ZC3H18: variants seen among roughly 807,000 people sequenced by gnomAD.
ZC3H18 encodes zinc finger CCCH domain-containing protein 18.
In ZC3H18, 8 loss-of-function variants were observed where a neutral mutation model predicts 106.1. That is an observed-to-expected ratio of 0.08 (90% confidence interval 0.04 to 0.14). The LOEUF (loss-of-function observed/expected upper bound fraction) is 0.14, where lower values mean the gene tolerates loss of function less well. ZC3H18 is among the 10% of genes least tolerant of loss of function. The probability of loss-of-function intolerance (pLI) is 1.00; values close to 1 mark genes in which losing one functional copy is unlikely to be tolerated. For synonymous variants in ZC3H18, 635 were observed against 522.1 expected, an observed-to-expected ratio of 1.22 and a Z score of -2.95; for missense variants, 1,318 against 1,278.4, an observed-to-expected ratio of 1.03 and a Z score of -0.47.
intron 7 of ZC3H18, chr16:88,609,299 T>G (rs552456330): frequency 6.5e-4 from 178 of 273,446 alleles, no homozygotes; most frequent in African/African-American, 2.9e-3. Flanking sequence ...TGTGTGGTGT[T>G]TGTTTGTTTG....
rs751599786 is a variant in ZC3H18, at chr16:88,627,997, A to G, written c.2347A>G (p.Lys783Glu). 6.2e-7 allele frequency: 1 copy of G among 1,614,156 alleles called. No individual in the cohort carries two copies. The highest frequency in any genetic ancestry group is 8.5e-7 in the Non-Finnish European group (1 of 1,180,036). Residue 783 changes from lysine to glutamate, a missense_variant, in exon 15 of 18, where the codon AAA (lysine) becomes GAA (glutamate). Transcript: ENST00000301011. This position sits in a 1 kb window ranked among gnomAD's most constrained non-coding sequence, Gnocchi z 4.5. ...GTCCACACAACCACCCAAATCTGCA[A>G]AACCTCCAGCAGGGGGGAAGTCCTC... ...DSSTQPPKSA[K>E]PPAGGKSSQQ... is the part of the protein sequence containing the mutation.
chr16:88,603,855 G>A (rs542970095), intron 6 of ZC3H18, among the ~76,000 whole-genome samples: 16 of 148,516 alleles, frequency 1.1e-4, no homozygotes, highest in African/African-American at 1.7e-4. Flanking sequence ...GGTTGGTCTC[G>A]ATCTCCTGAC....
At chr16:88,622,064 G>C in intron 8 of ZC3H18, 133 bp from the exon 9 acceptor site, 1 of 1,113,198 alleles carries the variant, frequency 9.0e-7, no homozygotes, top group Non-Finnish European at 1.3e-6. Context: ...TTTCCCCTTA[G>C]GACCCTTTGT....
At chr16:88,587,976 A>G (rs969978752) in intron 3 of ZC3H18, among the ~76,000 whole-genome samples, 4 of 152,206 alleles carry the variant, frequency 2.6e-5, no homozygotes, top group African/African-American at 9.7e-5. Context: ...AAGCAAAAAC[A>G]GTTGACGTGC....
chr16:88,593,349 G>A (rs927154204), intron 3 of ZC3H18, among the ~76,000 whole-genome samples: 23 of 152,236 alleles, frequency 1.5e-4, no homozygotes, highest in African/African-American at 4.6e-4. Context: ...GGCAGTTAGC[G>A]TCGTGGACAG....
At chr16:88,578,559 G>A (rs1346161897) in intron 2 of ZC3H18, among the ~76,000 whole-genome samples, 1 of 152,082 alleles carries the variant, frequency 6.6e-6, no homozygotes, top group East Asian at 1.9e-4. Flanking sequence ...AGATCCTGGG[G>A]AAGGGGATTG....
Position 88,623,287 on chromosome 16 carries a change from A to G in ZC3H18, c.1736A>G (p.Tyr579Cys). ...CGGTCGCGATCCCGGTCTTCATCCT[A>G]CAGCTCCTACTCCAGCCGCTCTTCC... ...SSRSRSRSSS[Y>C]SSYSSRSSRH... Residue 579 changes from tyrosine (Y) to cysteine (C), a missense_variant, in exon 10 of 18, where the codon TAC (tyrosine) becomes TGC (cysteine). Coordinates refer to ENST00000301011, the MANE Select transcript of ZC3H18 (RefSeq NM_144604.4). 2.5e-6 allele frequency: 4 copies of G among 1,613,710 alleles called. No homozygotes were observed. Among genetic ancestry groups the G allele is most frequent in the African/African-American group, 1.3e-5 (1 of 74,984 alleles).
intron 16 of ZC3H18, 30 bp from the exon 17 acceptor site, chr16:88,630,455 G>C (rs779469888): frequency 1.3e-6 from 2 of 1,590,402 alleles, no homozygotes; most frequent in Non-Finnish European, 1.7e-6. Flanking sequence ...TACATCAGGA[G>C]GGTGGTCTCA....
chr16:88,606,486 C>A (rs1028337938), intron 6 of ZC3H18, among the ~76,000 whole-genome samples: 1 of 152,230 alleles, frequency 6.6e-6, no homozygotes, highest in Non-Finnish European at 1.5e-5. Context: ...AACAAATTTG[C>A]CGGCACAGTC....
intron 3 of ZC3H18, among the ~76,000 whole-genome samples, chr16:88,588,219 A>G (rs188092661): frequency 8.5e-4 from 129 of 152,376 alleles, no homozygotes; most frequent in Admixed American, 4.8e-3. Context: ...AAATTTCTGT[A>G]TGAAAGTGAT....
intron 4 of ZC3H18, 45 bp downstream of exon 4, chr16:88,598,371 A>G: frequency 6.4e-7 from 1 of 1,565,082 alleles, no homozygotes; most frequent in East Asian, 2.2e-5. Context: ...CAGCCAACTG[A>G]GCTGTGTCTG....
intron 6 of ZC3H18, among the ~76,000 whole-genome samples, chr16:88,607,038 T>G (rs1876939361): frequency 6.6e-6 from 1 of 152,154 alleles, no homozygotes; most frequent in Admixed American, 6.5e-5. Context: ...GGAAAGGAGA[T>G]GCAGAGTTGT....
chr16:88,617,166 C>T (rs1340837671), intron 8 of ZC3H18, among the ~76,000 whole-genome samples: 1 of 152,168 alleles, frequency 6.6e-6, no homozygotes, highest in African/African-American at 2.4e-5. Flanking sequence ...GCTAATACCC[C>T]TCTTTCCTGA....
intron 2 of ZC3H18, among the ~76,000 whole-genome samples, chr16:88,585,889 A>G (rs1428949278): frequency 6.6e-6 from 1 of 151,940 alleles, no homozygotes; most frequent in East Asian, 1.9e-4. Flanking sequence ...TCCATCTTGG[A>G]TGGTCCTGTG....
chr16:88,608,954 C>T lies in ZC3H18; in HGVS notation c.1109C>T (p.Pro370Leu). 1 of 1,613,714 alleles carries T rather than the reference C, an allele frequency of 6.2e-7. No individual in the cohort carries two copies. The highest frequency in any genetic ancestry group is 8.5e-7 in the Non-Finnish European group (1 of 1,179,756). The change falls in exon 7 of 18, where the codon CCT (proline) becomes CTT (leucine). Residue 370 changes from proline (P) to leucine (L), a missense_variant. Around this residue, in one of 6 missense-constraint regions of ZC3H18, gnomAD observed 848 missense variants for 821.7 expected, o/e 1.03. Coordinates refer to ENST00000301011, the MANE Select transcript of ZC3H18 (RefSeq NM_144604.4). ...RDTVLEPYAD[P>L]YYDYEIERFW... ...TTCAGACTCGAGCCTTACGCAGACC[C>T]TTATTATGACTATGAAATTGAGCGG... is the stretch of plus-strand genomic sequence containing the variant.
intron 3 of ZC3H18, among the ~76,000 whole-genome samples, chr16:88,596,692 A>G (rs1904456611): frequency 6.6e-6 from 1 of 152,108 alleles, no homozygotes; most frequent in African/African-American, 2.4e-5. Flanking sequence ...TGTGGTTTCT[A>G]TTGTCAGCAC....
In ZC3H18 at chr16:88,624,912, C is replaced by G. The variant is rs143534962; in HGVS notation, c.2042+167C>G. 5.3e-3 allele frequency among the ~76,000 whole-genome samples: 813 copies of G among 152,342 alleles called. 2 individuals carry two copies. The highest frequency in any genetic ancestry group is 8.4e-3 in the Non-Finnish European group (570 of 68,028). ...CCCTTACCCGGGAACCTGCCCTGTCCCCTCCCTGAGCCTGTGTTTCTGGAG... is the reference window on the plus strand; with the variant it reads ...CCCTTACCCGGGAACCTGCCCTGTCGCCTCCCTGAGCCTGTGTTTCTGGAG... On this transcript the variant is annotated intron_variant, in intron 12 of 17. Transcript: ENST00000301011.
chr16:88,614,622 G>T (rs1013674536), intron 8 of ZC3H18, among the ~76,000 whole-genome samples: 3 of 152,208 alleles, frequency 2.0e-5, no homozygotes, highest in Non-Finnish European at 4.4e-5. Flanking sequence ...TCTTCTTAAA[G>T]AACATTCAGA....
chr16:88,599,839 G>C lies in ZC3H18; in HGVS notation c.979G>C (p.Glu327Gln). Residue 327 changes from glutamate to glutamine, a missense_variant, in exon 6 of 18, where the codon GAG (glutamate) becomes CAG (glutamine). Physicochemically the swap from Glu to Gln is conservative, Grantham distance 29. Transcript: ENST00000301011. ...IRKEQEPDFEEKRFTVTIGED... is the reference protein window; with the variant it reads ...IRKEQEPDFEQKRFTVTIGED... The stretch of plus-strand genomic sequence containing the variant: ...AAAAGAACAGGAGCCTGATTTTGAA[G>C]AGAAAAGGTTTACGGTGACCATTGG... 6.2e-7 allele frequency: 1 copy of C among 1,614,134 alleles called. No individual in the cohort carries two copies. Among genetic ancestry groups the C allele is most frequent in the Non-Finnish European group, 8.5e-7 (1 of 1,180,016 alleles).
Sources: allele counts gnomAD v4.1 joint callset (sites outside exome capture counted in the v4.1 genomes callset), GRCh38; gene constraint gnomAD v4.1.1; regional missense constraint gnomAD v4.1.1; non-coding constraint Gnocchi (gnomAD v3.1); transcripts MANE v1.5; gene names NCBI Gene and HGNC (gene_info 2026-07-23, HGNC 2026-07-21).